The following SDC4 variants were observed in gnomAD, a reference collection of about 807,000 sequenced individuals.
The protein encoded by SDC4 is syndecan-4.
Under a neutral mutation model 20.5 loss-of-function variants are expected in SDC4, and 17 were observed. That is an observed-to-expected ratio of 0.83 (90% CI 0.57 to 1.25). SDC4 has a LOEUF of 1.25. Among genes scored for constraint, SDC4 ranks in the 50% most tolerant of loss-of-function variants. The pLI, the probability that SDC4 is intolerant of heterozygous loss-of-function variation, is 0.00. For synonymous variants in SDC4, 107 were observed against 105.3 expected (o/e 1.02, Z -0.10); for missense variants, 241 against 252.3 (o/e 0.96, Z 0.30).
intron 1 of SDC4, among the ~76,000 whole-genome samples, chr20:45,340,987 G>A (rs1172281842): frequency 6.6e-6 from 1 of 152,244 alleles, no homozygotes; most frequent in Non-Finnish European, 1.5e-5. Flanking sequence ...AGATTCACAA[G>A]TGTGAGTTCT....
chr20:45,333,063 A>T lies in SDC4; in HGVS notation c.206T>A (p.Leu69Ter). 1.9e-6 allele frequency: 3 copies of T among 1,614,188 alleles called. No individual in the cohort carries two copies. The highest frequency in any genetic ancestry group is 2.5e-6 in the Non-Finnish European group (3 of 1,180,018). The change falls in exon 3 of 5, where the codon TTG becomes TAG. Residue 69 changes from leucine (L) to a stop codon, truncating the protein, a stop_gained. Transcript: ENST00000372733. LOFTEE classifies it high-confidence loss of function. The stretch of plus-strand genomic sequence containing the variant: ...TTCAGGGCCGATCATGGAGTCTTCC[A>T]AGTCATCTGTAAGGTCAGAATAGCT... ...ELSGSGDLDD[L>*]EDSMIGPEVV...
intron 1 of SDC4, among the ~76,000 whole-genome samples, chr20:45,348,069 C>G (rs1988059038): frequency 6.6e-6 from 1 of 152,202 alleles, no homozygotes; most frequent in Admixed American, 6.5e-5. Flanking sequence ...CTAACGAGCC[C>G]GTAGCCCGCG....
At chr20:45,330,283 G>A (rs1339513386) in intron 4 of SDC4, 83 bp downstream of exon 4, 1 of 1,276,498 alleles carries the variant, frequency 7.8e-7, no homozygotes, top group Non-Finnish European at 1.1e-6. Context: ...CTCATGGCTG[G>A]AGGCATCCCT....
rs200248946 is a variant in SDC4 at position 45,330,416 on chromosome 20, G to C, written c.395C>G (p.Ser132Cys). The change falls in exon 4 of 5, where the codon TCC becomes TGC. Residue 132 changes from serine (S) to cysteine (C), a missense_variant. Transcript: ENST00000372733. Reference sequence around the variant, plus strand: ...GATGTTGCTGCCCTGCACAGTGCTGGACATTGACACCTTGTTGGACACATC... The same window carrying C: ...GATGTTGCTGCCCTGCACAGTGCTGCACATTGACACCTTGTTGGACACATC... ...SEDVSNKVSM[S>C]STVQGSNIFE... The C allele has an allele frequency of 6.2e-7, 1 of 1,614,206 alleles. No individual in the cohort carries two copies. The highest frequency in any genetic ancestry group is 2.2e-5 in the East Asian group (1 of 44,878).
At chr20:45,331,808 T>C (rs1172571447) in intron 3 of SDC4, among the ~76,000 whole-genome samples, 2 of 152,206 alleles carry the variant, frequency 1.3e-5, no homozygotes, top group Non-Finnish European at 2.9e-5. Flanking sequence ...TGCCCACCCC[T>C]TTGTTGGAAA....
intron 4 of SDC4, among the ~76,000 whole-genome samples, chr20:45,329,246 A>G (rs1487771060): frequency 6.6e-6 from 1 of 152,228 alleles, no homozygotes; most frequent in Non-Finnish European, 1.5e-5. Flanking sequence ...GGAAGATTAA[A>G]GAGATAACCT....
intron 2 of SDC4, 78 bp downstream of exon 2, chr20:45,335,704 C>G: frequency 6.7e-7 from 1 of 1,488,572 alleles, no homozygotes; most frequent in Non-Finnish European, 9.2e-7. Context: ...AGTCTCAAGG[C>G]ATGGTCACCC....
intron 1 of SDC4, among the ~76,000 whole-genome samples, chr20:45,343,931 T>G (rs887953855): frequency 1.3e-5 from 2 of 152,216 alleles, no homozygotes; most frequent in Admixed American, 1.3e-4. Flanking sequence ...TGGAGTAGCA[T>G]GACTGAATTC....
In SDC4 at chr20:45,335,791, C is replaced by T. The variant is rs201944370; in HGVS notation, c.190G>A (p.Gly64Arg). Residue 64 changes from glycine (G) to arginine (R), a missense_variant, in exon 2 of 5, where the codon GGA (glycine) becomes AGA (arginine). By Grantham distance (125) the Gly-to-Arg change is moderately radical. Transcript: ENST00000372733. ...ESDDFELSGS[G>R]DLDDLEDSMI... is the part of the protein sequence containing the mutation. ...AGCACACCTTCCGTACCCAGATCTC[C>T]AGAGCCAGACAGCTCAAAGTCATCA... 1.9e-4 allele frequency: 302 copies of T among 1,613,704 alleles called. No individual in the cohort carries two copies. Among genetic ancestry groups the T allele is most frequent in the Non-Finnish European group, 2.4e-4 (289 of 1,179,898 alleles).
intron 1 of SDC4, 89 bp from the exon 2 acceptor site, chr20:45,336,009 A>C (rs1337306958): frequency 1.4e-6 from 2 of 1,449,658 alleles, no homozygotes; most frequent in Non-Finnish European, 9.4e-7. Flanking sequence ...GGCATTCAGA[A>C]ACTAGAAAGA....
chr20:45,326,482 T>C lies in SDC4; in HGVS notation c.*782A>G, dbSNP rs1340364387. On this transcript the variant is annotated 3_prime_UTR_variant, in exon 5 of 5. Transcript: ENST00000372733. ...AAAAACAAAAACAAAAACCATTAAA[T>C]ACAAACTTAGCAGGTGCTGTGGAAA... 1 of 150,364 alleles carries C rather than the reference T, an allele frequency of 6.7e-6. No individual in the cohort carries two copies. Among genetic ancestry groups the C allele is most frequent in the Non-Finnish European group, 1.5e-5 (1 of 67,742 alleles). 9.3% of individuals were successfully genotyped at this position (150,364 alleles called of 1,614,324 possible). A position where few individuals can be genotyped will look rare whatever the true frequency, so the allele number is the denominator to read the frequency against.
At chr20:45,345,160 A>AC (rs1988012831) in intron 1 of SDC4, 1 of 152,214 alleles carries the variant, frequency 6.6e-6, no homozygotes, top group Non-Finnish European at 1.5e-5. Context: ...GCATTTCCTG[A>AC]GTACAAACTA....
intron 2 of SDC4, 144 bp downstream of exon 2, chr20:45,335,638 T>TC (rs1389432553): frequency 2.4e-6 from 2 of 823,266 alleles, no homozygotes; most frequent in African/African-American, 3.4e-5. Context: ...TACTTTTGTT[T>TC]CCCCTTTTTT....
chr20:45,338,558 A>G (rs1057244296), intron 1 of SDC4, among the ~76,000 whole-genome samples: 4 of 152,170 alleles, frequency 2.6e-5, no homozygotes, highest in African/African-American at 9.7e-5. Flanking sequence ...TCAGTATGTG[A>G]AAGTGCTAAG....
chr20:45,327,535 C>T (rs1987711671), intron 4 of SDC4, 120 bp from the exon 5 acceptor site: 10 of 1,168,596 alleles, frequency 8.6e-6, no homozygotes. Flanking sequence ...ATCACCACTG[C>T]CTGTGCCAGG....
intron 1 of SDC4, among the ~76,000 whole-genome samples, chr20:45,343,284 A>G (rs1215682824): frequency 6.6e-6 from 1 of 152,198 alleles, no homozygotes; most frequent in African/African-American, 2.4e-5. Flanking sequence ...CAGTGAAAAC[A>G]TACGAGAAAC....
At chr20:45,348,281 GCGCCCCCGCTT>G in intron 1 of SDC4, 33 bp downstream of exon 1, 1 of 1,497,118 alleles carries the variant, frequency 6.7e-7, no homozygotes, top group Non-Finnish European at 9.0e-7. Context: ...GCACCGGCCT[GCGCCCCCGCTT>G]CGCCCCCAGC....
Position 45,326,748 on chromosome 20 carries a change from CACAG to C in SDC4, c.*512_*515del, listed in dbSNP as rs1206333926. On this transcript the variant is annotated 3_prime_UTR_variant, in exon 5 of 5. Coordinates refer to ENST00000372733, the MANE Select transcript of SDC4 (RefSeq NM_002999.4). ...GCCTAGAATGGCCCCAGGTATATAC[CACAG>C]AGATTCCCGTAGTGTGATCACAAGT... 3.3e-5 allele frequency: 5 copies of C among 152,696 alleles called. No individual in the cohort carries two copies. Among genetic ancestry groups the C allele is most frequent in the African/African-American group, 1.2e-4 (5 of 41,400 alleles). The allele number at this position is 152,696 out of a possible 1,614,324, so 9.5% of individuals were successfully genotyped here. A position where few individuals can be genotyped will look rare whatever the true frequency, so the allele number is the denominator to read the frequency against.
At chr20:45,334,440 A>G (rs572277069) in intron 2 of SDC4, among the ~76,000 whole-genome samples, 11 of 152,190 alleles carry the variant, frequency 7.2e-5, no homozygotes, top group Non-Finnish European at 2.9e-5. Flanking sequence ...TTTACTATCT[A>G]TATGTATCCC....
Sources: allele counts gnomAD v4.1 joint callset (sites outside exome capture counted in the v4.1 genomes callset), GRCh38; gene constraint gnomAD v4.1.1; transcripts MANE v1.5; gene names NCBI Gene and HGNC (gene_info 2026-07-23, HGNC 2026-07-21).